Variants in ZBTB20 observed in about 807,000 individuals in gnomAD.
ZBTB20 encodes the protein zinc finger and BTB domain containing 20, also known as zinc finger and BTB domain-containing protein 20.
A neutral mutation model predicts 56.9 loss-of-function variants in ZBTB20; 9 were observed. That is an observed-to-expected ratio of 0.16 (90% CI 0.10 to 0.28). The LOEUF (loss-of-function observed/expected upper bound fraction) is 0.28. Among genes scored for constraint, ZBTB20 ranks in the 10% least tolerant of loss-of-function variants. The probability of loss-of-function intolerance (pLI) is 1.00; values close to 1 mark genes in which losing one functional copy is unlikely to be tolerated. For missense variants in ZBTB20, 655 were observed against 1,003.0 expected, an observed-to-expected ratio of 0.65 and a Z score of 4.69; for synonymous variants, 417 against 420.7, an observed-to-expected ratio of 0.99 and a Z score of 0.11.
intron 1 of ZBTB20, among the ~76,000 whole-genome samples, chr3:115,075,557 G>C (rs1159039725): frequency 6.6e-6 from 1 of 151,996 alleles, no homozygotes; most frequent in Non-Finnish European, 1.5e-5. Flanking sequence ...TCCACATCTT[G>C]GTCATTGCTA....
intron 6 of ZBTB20, among the ~76,000 whole-genome samples, chr3:114,642,781 C>T (rs2059627267): frequency 6.6e-6 from 1 of 152,004 alleles, no homozygotes; most frequent in South Asian, 2.1e-4. Context: ...GTTTAAAATT[C>T]AACCAATAAA....
intron 7 of ZBTB20, among the ~76,000 whole-genome samples, chr3:114,434,839 A>G (rs952564324): frequency 2.6e-5 from 4 of 152,138 alleles, no homozygotes; most frequent in Non-Finnish European, 4.4e-5. Context: ...GCGCATGGAA[A>G]AAGTTTAGGA....
chr3:115,139,208 G>T (rs1188300457), intron 1 of ZBTB20, among the ~76,000 whole-genome samples: 3 of 152,034 alleles, frequency 2.0e-5, no homozygotes, highest in Non-Finnish European at 4.4e-5. Flanking sequence ...GTGAGGAAAT[G>T]AGAGGATTCA....
At chr3:115,111,830 G>A (rs1217014050) in intron 1 of ZBTB20, among the ~76,000 whole-genome samples, 3 of 152,110 alleles carry the variant, frequency 2.0e-5, no homozygotes, top group Non-Finnish European at 4.4e-5. Context: ...ATGTTACCAT[G>A]ACTAATCAAA....
At chr3:114,759,325 G>A (rs2068269284) in intron 5 of ZBTB20, 1 of 152,106 alleles carries the variant, frequency 6.6e-6, no homozygotes, top group Non-Finnish European at 1.5e-5. Context: ...GGAGGGGTGT[G>A]GGGGAATTCA....
intron 7 of ZBTB20, among the ~76,000 whole-genome samples, chr3:114,429,312 C>A (rs1299733230): frequency 2.0e-5 from 3 of 152,182 alleles, no homozygotes; most frequent in African/African-American, 7.2e-5. Flanking sequence ...TAATACAAAT[C>A]ATAATCATTA....
intron 1 of ZBTB20, among the ~76,000 whole-genome samples, chr3:115,077,484 C>A (rs2082636993): frequency 6.6e-6 from 1 of 152,216 alleles, no homozygotes; most frequent in Non-Finnish European, 1.5e-5. Context: ...GTGCCTTGAC[C>A]TTGGACTTTC....
intron 5 of ZBTB20, among the ~76,000 whole-genome samples, chr3:114,778,490 TAA>T (rs141238908): frequency 0.084 from 12,786 of 152,060 alleles, 590 homozygotes; most frequent in African/African-American, 0.12. Context: ...GCATTATTAA[TAA>T]AGAACTAAAA....
At chr3:114,655,160 T>TAAG (rs751864449) in intron 6 of ZBTB20, among the ~76,000 whole-genome samples, 1 of 152,036 alleles carries the variant, frequency 6.6e-6, no homozygotes, top group Non-Finnish European at 1.5e-5. Flanking sequence ...CAATTAAGTT[T>TAAG]AGGTCTACCA....
intron 7 of ZBTB20, among the ~76,000 whole-genome samples, chr3:114,424,047 C>T (rs1262295372): frequency 6.6e-6 from 1 of 152,148 alleles, no homozygotes; most frequent in African/African-American, 2.4e-5. Context: ...AACAAATAAG[C>T]GATTTCCTTG....
intron 6 of ZBTB20, among the ~76,000 whole-genome samples, chr3:114,565,973 G>A (rs2052678640): frequency 6.6e-6 from 1 of 151,338 alleles, no homozygotes; most frequent in African/African-American, 2.4e-5. Flanking sequence ...CCAGGTAAAA[G>A]AAGTAATTAC....
At chr3:114,583,722 C>T (rs2054886998) in intron 6 of ZBTB20, among the ~76,000 whole-genome samples, 1 of 152,158 alleles carries the variant, frequency 6.6e-6, no homozygotes. Context: ...GAAATGTCTT[C>T]AAACTGTTGA....
At chr3:114,544,279 C>G (rs2049457432) in intron 6 of ZBTB20, among the ~76,000 whole-genome samples, 3 of 151,880 alleles carry the variant, frequency 2.0e-5, no homozygotes, top group Admixed American at 6.6e-5. Context: ...CAAGAATTGC[C>G]AACCATGAAA....
At chr3:114,476,427 G>GT (rs2040774001) in intron 7 of ZBTB20, among the ~76,000 whole-genome samples, 1 of 152,160 alleles carries the variant, frequency 6.6e-6, no homozygotes, top group Admixed American at 6.5e-5. Flanking sequence ...TTGTGTTGCT[G>GT]TAACAGAATA....
At chr3:114,896,048 G>C (rs1395180865) in intron 4 of ZBTB20, among the ~76,000 whole-genome samples, 1 of 152,090 alleles carries the variant, frequency 6.6e-6, no homozygotes, top group Non-Finnish European at 1.5e-5. Flanking sequence ...GAATTCACAG[G>C]CGTGTTGAAA....
intron 6 of ZBTB20, among the ~76,000 whole-genome samples, chr3:114,542,991 C>G (rs1005240380): frequency 1.3e-5 from 2 of 152,126 alleles, no homozygotes; most frequent in African/African-American, 4.8e-5. Context: ...GCAAAAAAAT[C>G]TCATACACAT....
intron 2 of ZBTB20, among the ~76,000 whole-genome samples, chr3:115,029,143 T>TA (rs1476556574): frequency 6.6e-6 from 1 of 150,492 alleles, no homozygotes; most frequent in Non-Finnish European, 1.5e-5. Context: ...TTACCAATGA[T>TA]AAAAAATAAA....
chr3:114,341,789 C>T (rs141519984), intron 11 of ZBTB20, among the ~76,000 whole-genome samples: 227 of 152,280 alleles, frequency 1.5e-3, no homozygotes, highest in African/African-American at 5.2e-3. Flanking sequence ...AAGAGTTGGA[C>T]CAGGCAGTTG....
At position 114,524,604 on chromosome 3, in the gene ZBTB20, C is replaced by T. The variant is rs546820019; in HGVS notation, c.-294-24213G>A. On this transcript the variant is annotated intron_variant, in intron 6 of 11. Coordinates refer to ENST00000675478, the MANE Select transcript of ZBTB20 (RefSeq NM_001348800.3). Reference sequence around the variant, plus strand: ...TCCTCTCTCTCACTTTCCATCTTTCCAGCTTATATACTGGCATTACAAACT... The same window carrying T: ...TCCTCTCTCTCACTTTCCATCTTTCTAGCTTATATACTGGCATTACAAACT... 8.1e-4 allele frequency among the ~76,000 whole-genome samples: 124 copies of T among 152,244 alleles called. 1 individual carries two copies. The highest frequency in any genetic ancestry group is 3.5e-3 in the South Asian group (17 of 4,820).
Sources: allele counts gnomAD v4.1 joint callset (sites outside exome capture counted in the v4.1 genomes callset), GRCh38; gene constraint gnomAD v4.1.1; transcripts MANE v1.5; gene names NCBI Gene and HGNC (gene_info 2026-07-23, HGNC 2026-07-21).